TAF2: variants seen among roughly 807,000 people sequenced by gnomAD.
TAF2 encodes transcription initiation factor TFIID subunit 2.
Under a neutral mutation model 138.5 loss-of-function variants are expected in TAF2, and 61 were observed. The ratio of observed to expected loss-of-function variants is 0.44; its 90% CI spans 0.36 to 0.54. The LOEUF (loss-of-function observed/expected upper bound fraction) is 0.54, where lower values mean the gene tolerates loss of function less well. TAF2 is among the 20% of genes least tolerant of loss of function. The pLI is 0.00. For synonymous variants in TAF2, 475 were observed against 469.9 expected (o/e 1.01, Z -0.14); for missense variants, 1,090 against 1,427.9 (o/e 0.76, Z 3.81).
intron 2 of TAF2, among the ~76,000 whole-genome samples, chr8:119,823,687 A>AT (rs1825926748): frequency 6.6e-6 from 1 of 152,214 alleles, no homozygotes; most frequent in Non-Finnish European, 1.5e-5. Context: ...TGGGGTGCTG[A>AT]TAAAAAGTTA....
intron 22 of TAF2, among the ~76,000 whole-genome samples, chr8:119,750,908 C>G (rs1224075831): frequency 6.6e-6 from 1 of 152,006 alleles, no homozygotes; most frequent in Admixed American, 6.5e-5. Context: ...TAGTAATATG[C>G]CAGACACTAA....
chr8:119,783,813 A>T (rs1391023385), intron 15 of TAF2, among the ~76,000 whole-genome samples, 180 bp from the exon 16 acceptor site: 3 of 152,190 alleles, frequency 2.0e-5, no homozygotes, highest in Admixed American at 2.0e-4. Flanking sequence ...CATTATGTTT[A>T]ACATATGTCA....
rs145768826 is a variant in TAF2, at chr8:119,776,138, T to C, written c.2364+1881A>G. Among the ~76,000 whole-genome samples, 49 of 152,346 alleles carry C rather than the reference T, an allele frequency of 3.2e-4. 1 individual carries two copies. In the East Asian group the frequency reaches 8.7e-3, roughly 27 times the overall value. ...ACTCCTATGTCCCTAATATGCCTTA[T>C]TCTGGGAGAGACCAATGATCATAGA... On this transcript the variant is annotated intron_variant, in intron 18 of 25. Transcript: ENST00000378164.
intron 6 of TAF2, among the ~76,000 whole-genome samples, chr8:119,799,461 A>G (rs888396570): frequency 3.9e-5 from 6 of 152,130 alleles, no homozygotes; most frequent in African/African-American, 1.4e-4. Context: ...AGCTTCATCC[A>G]TGTCCCTGCA....
intron 22 of TAF2, 96 bp downstream of exon 22, chr8:119,755,910 T>C: frequency 2.0e-6 from 2 of 1,006,958 alleles, no homozygotes; most frequent in South Asian, 2.9e-5. Flanking sequence ...ATCTCAACTT[T>C]TACCTTTAGT....
chr8:119,788,755 T>C lies in TAF2; in HGVS notation c.1683+35A>G, dbSNP rs762732870. 5.7e-6 allele frequency: 8 copies of C among 1,396,646 alleles called. No individual in the cohort carries two copies. The East Asian group carries it at 1.1e-4, about 20-fold the overall frequency. 86.5% of individuals were successfully genotyped at this position (1,396,646 alleles called of 1,614,324 possible). A position where few individuals can be genotyped will look rare whatever the true frequency, so the allele number is the denominator to read the frequency against. On this transcript the variant is annotated intron_variant, in intron 13 of 25. Coordinates refer to ENST00000378164, the MANE Select transcript of TAF2 (RefSeq NM_003184.4). The stretch of plus-strand genomic sequence containing the variant: ...CCCTCTTCTATTGAAACTGAGGAGA[T>C]AGCAGTACAAAGGCGATTTTGGAAA...
At chr8:119,762,649 TC>T in intron 18 of TAF2, 41 bp from the exon 19 acceptor site, 1 of 1,524,874 alleles carries the variant, frequency 6.6e-7, no homozygotes, top group Non-Finnish European at 9.0e-7. Context: ...CAAAATTAAC[TC>T]TTCTGATCAA....
At chr8:119,752,397 G>A (rs1377339825) in intron 22 of TAF2, among the ~76,000 whole-genome samples, 1 of 152,050 alleles carries the variant, frequency 6.6e-6, no homozygotes, top group Non-Finnish European at 1.5e-5. Context: ...TACACACCAA[G>A]AAGCAGGCAG....
chr8:119,748,232 G>C (rs1337256668), intron 22 of TAF2, among the ~76,000 whole-genome samples: 1 of 151,578 alleles, frequency 6.6e-6, no homozygotes, highest in East Asian at 1.9e-4. Context: ...CATTTAAAAA[G>C]GAGAAACAAA....
intron 2 of TAF2, among the ~76,000 whole-genome samples, chr8:119,824,855 T>A (rs757435233): frequency 6.6e-6 from 1 of 152,206 alleles, no homozygotes; most frequent in Non-Finnish European, 1.5e-5. Flanking sequence ...AGAAGATGTA[T>A]GGAAATGCCT....
intron 18 of TAF2, among the ~76,000 whole-genome samples, chr8:119,765,806 CG>C (rs1277801790): frequency 6.6e-6 from 1 of 152,120 alleles, no homozygotes; most frequent in Admixed American, 6.5e-5. Flanking sequence ...ACATAACTGT[CG>C]GGATTCCTCT....
intron 3 of TAF2, among the ~76,000 whole-genome samples, chr8:119,811,982 A>T (rs866323114): frequency 5.3e-5 from 8 of 151,414 alleles, no homozygotes; most frequent in East Asian, 1.9e-4. Flanking sequence ...GTTTTTTTTT[A>T]AATTTAGAGC....
chr8:119,772,874 T>C (rs939967792), intron 18 of TAF2, among the ~76,000 whole-genome samples: 7 of 150,856 alleles, frequency 4.6e-5, no homozygotes, highest in African/African-American at 1.5e-4. Flanking sequence ...GAGGTGGAGG[T>C]TGCAGTGAGC....
rs184651683 is a variant in TAF2 at position 119,760,882 on chromosome 8, C to T, written c.2559-144G>A. On this transcript the variant is annotated intron_variant, in intron 19 of 25. Transcript: ENST00000378164. ...CACCTTCAATTTTGTAATAGAGTCACAAGCCATATAAAAGACATCTTAGTC... is the reference window on the plus strand; with the variant it reads ...CACCTTCAATTTTGTAATAGAGTCATAAGCCATATAAAAGACATCTTAGTC... 28 of 1,067,094 alleles carry T rather than the reference C, an allele frequency of 2.6e-5. No individual in the cohort carries two copies. In the East Asian group the frequency reaches 5.8e-4, roughly 22 times the overall value. 66.1% of individuals were successfully genotyped at this position (1,067,094 alleles called of 1,614,324 possible). A position where few individuals can be genotyped will look rare whatever the true frequency, so the allele number is the denominator to read the frequency against.
chr8:119,806,612 C>A lies in TAF2; in HGVS notation c.300-211G>T, dbSNP rs552873451. Among the ~76,000 whole-genome samples, 9 of 151,902 alleles carry A rather than the reference C, an allele frequency of 5.9e-5. No homozygotes were observed. The East Asian group carries it at 1.8e-3, about 30-fold the overall frequency. On this transcript the variant is annotated intron_variant, in intron 3 of 25. Coordinates refer to ENST00000378164, the MANE Select transcript of TAF2 (RefSeq NM_003184.4). ...CCTCCCGAGTAGCTAGGATTACAGG[C>A]ACCCACCACCACAACCAGCTAATTT...
chr8:119,731,836 C>G lies in TAF2; in HGVS notation c.*88G>C. 7.6e-7 allele frequency: 1 copy of G among 1,308,650 alleles called. No homozygotes were observed. The allele number at this position is 1,308,650 out of a possible 1,614,324, so 81.1% of individuals were successfully genotyped here. A position where few individuals can be genotyped will look rare whatever the true frequency, so the allele number is the denominator to read the frequency against. On this transcript the variant is annotated 3_prime_UTR_variant, in exon 26 of 26. Transcript: ENST00000378164. ...TGTAGGAGAGGCGAATCCTTTCCCC[C>G]CTCCCTTTTATAATTCTTCACAGAG...
At chr8:119,752,967 C>T (rs547347049) in intron 22 of TAF2, among the ~76,000 whole-genome samples, 11 of 152,228 alleles carry the variant, frequency 7.2e-5, no homozygotes, top group Admixed American at 2.0e-4. Flanking sequence ...AGGGTTCCAG[C>T]GGATTTGGGG....
intron 18 of TAF2, among the ~76,000 whole-genome samples, chr8:119,771,767 C>T (rs183836186): frequency 3.9e-5 from 6 of 152,230 alleles, no homozygotes; most frequent in Admixed American, 3.9e-4. Context: ...CCACTGAAAA[C>T]ACTAGATAGG....
At chr8:119,769,864 T>C (rs974236775) in intron 18 of TAF2, among the ~76,000 whole-genome samples, 5 of 151,834 alleles carry the variant, frequency 3.3e-5, no homozygotes, top group Admixed American at 2.0e-4. Context: ...TTCAAGCGAT[T>C]ATCCTGTCTC....
Sources: gnomAD v4.1 joint callset for allele counts (sites outside exome capture counted in the v4.1 genomes callset) on GRCh38, gnomAD v4.1.1 for gene constraint, MANE v1.5 for transcripts, NCBI Gene and HGNC (gene_info 2026-07-23, HGNC 2026-07-21) for gene names.